Variants in RYR3 observed in about 807,000 individuals in gnomAD.
RYR3 encodes the protein brain ryanodine receptor-calcium release channel.
A neutral mutation model predicts 584.3 loss-of-function variants in RYR3; 207 were observed. That is an observed-to-expected ratio of 0.35 (90% CI 0.32 to 0.40). The LOEUF (loss-of-function observed/expected upper bound fraction) is 0.40, where lower values mean the gene tolerates loss of function less well. RYR3 is among the 10% of genes least tolerant of loss of function. RYR3 has a pLI of 1.00. For missense variants in RYR3, 5,616 were observed against 6,089.2 expected (o/e 0.92, Z 2.59); for synonymous variants, 2,416 against 2,248.5 (o/e 1.07, Z -2.11).
chr15:33,593,128 T>C (rs2059211803), intron 16 of RYR3, among the ~76,000 whole-genome samples: 1 of 152,224 alleles, frequency 6.6e-6, no homozygotes, highest in South Asian at 2.1e-4. Context: ...CAATCAGATA[T>C]GCATCTATCT....
intron 2 of RYR3, among the ~76,000 whole-genome samples, chr15:33,493,212 G>A (rs2051123647): frequency 6.6e-6 from 1 of 151,956 alleles, no homozygotes; most frequent in South Asian, 2.1e-4. Context: ...CATGTACCCT[G>A]CCTTCCTCCC....
chr15:33,731,676 G>C lies in RYR3; in HGVS notation c.7406G>C (p.Cys2469Ser). 1 of 1,611,252 alleles carries C rather than the reference G, an allele frequency of 6.2e-7. No individual in the cohort carries two copies. The highest frequency in any genetic ancestry group is 8.5e-7 in the Non-Finnish European group (1 of 1,177,674). Reference sequence around the variant, plus strand: ...GCACAAAGGGACACTATAGAAGAATGTTTGCTTGCCATTTGCAAGTAAGTA... The same window carrying C: ...GCACAAAGGGACACTATAGAAGAATCTTTGCTTGCCATTTGCAAGTAAGTA... ...TKAQRDTIEECLLAICNHLRP... is the reference protein window; with the variant it reads ...TKAQRDTIEESLLAICNHLRP... Residue 2469 changes from cysteine (C) to serine (S), a missense_variant, in exon 48 of 104, where the codon TGT becomes TCT. By Grantham distance (112) the Cys-to-Ser change is moderately radical (BLOSUM62 -1). Transcript: ENST00000634891.
chr15:33,338,369 T>A (rs1971404047), intron 1 of RYR3, among the ~76,000 whole-genome samples: 3 of 152,180 alleles, frequency 2.0e-5, no homozygotes, highest in Admixed American at 6.5e-5. Context: ...ATAGTTTTCA[T>A]GTAAGTGAAT....
chr15:33,630,653 C>G (rs1193829173), intron 22 of RYR3, among the ~76,000 whole-genome samples: 3 of 152,198 alleles, frequency 2.0e-5, no homozygotes, highest in Non-Finnish European at 4.4e-5. Flanking sequence ...ACTGGCACCT[C>G]TTGAGGGTAT....
At chr15:33,734,693 T>C (rs1306488192) in intron 48 of RYR3, among the ~76,000 whole-genome samples, 2 of 144,032 alleles carry the variant, frequency 1.4e-5, no homozygotes, top group East Asian at 2.0e-4. Context: ...TTTTTCTTTT[T>C]TTTTTTTTTT....
intron 28 of RYR3, among the ~76,000 whole-genome samples, chr15:33,645,108 C>G (rs1282686960): frequency 6.6e-6 from 1 of 152,142 alleles, no homozygotes; most frequent in Non-Finnish European, 1.5e-5. Flanking sequence ...CCACTCATGA[C>G]TTGATGTCTT....
intron 72 of RYR3, 37 bp downstream of exon 72, chr15:33,811,074 C>T (rs2076510437): frequency 6.4e-7 from 1 of 1,551,494 alleles, no homozygotes; most frequent in South Asian, 1.2e-5. Flanking sequence ...CTCACACCGG[C>T]TTTCCTTCTG....
chr15:33,656,407 C>T (rs1309823861), intron 32 of RYR3, among the ~76,000 whole-genome samples: 8 of 152,224 alleles, frequency 5.3e-5, no homozygotes, highest in African/African-American at 1.9e-4. Context: ...ATGCATGAAA[C>T]AGTACCTGGC....
At chr15:33,476,550 G>A (rs1385697506) in intron 2 of RYR3, among the ~76,000 whole-genome samples, 1 of 152,026 alleles carries the variant, frequency 6.6e-6, no homozygotes, top group African/African-American at 2.4e-5. Flanking sequence ...CTCTGTTTTG[G>A]GTTTTTTCTT....
At chr15:33,653,826 G>A (rs537809660) in intron 32 of RYR3, among the ~76,000 whole-genome samples, 2 of 152,232 alleles carry the variant, frequency 1.3e-5, no homozygotes, top group African/African-American at 4.8e-5. Flanking sequence ...TTGATGGCCA[G>A]GTAAGGTTGG....
At chr15:33,445,589 C>CT (rs1449185335) in intron 1 of RYR3, among the ~76,000 whole-genome samples, 2 of 151,240 alleles carry the variant, frequency 1.3e-5, no homozygotes, top group African/African-American at 4.9e-5. Context: ...TTTCCAGTCT[C>CT]AGATGATGAA....
intron 3 of RYR3, among the ~76,000 whole-genome samples, chr15:33,510,370 C>T (rs1054335099): frequency 3.3e-5 from 5 of 152,204 alleles, no homozygotes; most frequent in Non-Finnish European, 5.9e-5. Flanking sequence ...AGTGTCATCA[C>T]GTCACTTCCT....
chr15:33,694,480 G>A (rs533289596), intron 38 of RYR3, among the ~76,000 whole-genome samples: 1 of 152,206 alleles, frequency 6.6e-6, no homozygotes, highest in Non-Finnish European at 1.5e-5. Flanking sequence ...TCCTGACCTC[G>A]TGATCCACCC....
intron 3 of RYR3, among the ~76,000 whole-genome samples, chr15:33,509,404 A>AG (rs1200422369): frequency 3.0e-4 from 45 of 152,316 alleles, no homozygotes; most frequent in African/African-American, 9.4e-4. Flanking sequence ...TCTCACTCTG[A>AG]GGTTTTTATC....
At chr15:33,784,775 G>C (rs534512820) in intron 65 of RYR3, among the ~76,000 whole-genome samples, 20 of 152,196 alleles carry the variant, frequency 1.3e-4, no homozygotes, top group Non-Finnish European at 2.6e-4. Context: ...AGGAACTTCA[G>C]GATGCTTCCA....
intron 36 of RYR3, among the ~76,000 whole-genome samples, chr15:33,664,587 G>GTATA (rs879709155): frequency 2.3e-5 from 1 of 42,624 alleles, no homozygotes; most frequent in African/African-American, 7.4e-5. Context: ...GTGTGTGTGT[G>GTATA]TGTATATATA....
At position 33,504,157 on chromosome 15, in the gene RYR3, A is replaced by G. The variant is rs181176642; in HGVS notation, c.279+419A>G. On this transcript the variant is annotated intron_variant, in intron 3 of 103. Coordinates refer to ENST00000634891, the MANE Select transcript of RYR3 (RefSeq NM_001036.6). ...ACAACCAAGTTACAACAGTTCAAAC[A>G]TGATTTCCTACAGAATTATGAGTCT... is the stretch of plus-strand genomic sequence containing the variant. 3.3e-5 allele frequency among the ~76,000 whole-genome samples: 5 copies of G among 152,332 alleles called. No homozygotes were observed. The East Asian group carries it at 9.6e-4, about 29-fold the overall frequency.
intron 1 of RYR3, among the ~76,000 whole-genome samples, chr15:33,401,338 G>C (rs1288179966): frequency 6.6e-6 from 1 of 152,148 alleles, no homozygotes; most frequent in African/African-American, 2.4e-5. Flanking sequence ...AATAGCCCTG[G>C]TCAGGCTGGG....
At chr15:33,501,750 A>G (rs540706760) in intron 2 of RYR3, among the ~76,000 whole-genome samples, 3 of 152,326 alleles carry the variant, frequency 2.0e-5, no homozygotes, top group South Asian at 4.1e-4. Context: ...GCTTTATCAT[A>G]TAATTGTATG....
Sources: allele counts gnomAD v4.1 joint callset (sites outside exome capture counted in the v4.1 genomes callset), GRCh38; gene constraint gnomAD v4.1.1; transcripts MANE v1.5; gene names NCBI Gene and HGNC (gene_info 2026-07-23, HGNC 2026-07-21).